ITPR1: variants seen among roughly 807,000 people sequenced by gnomAD.
ITPR1 encodes the protein inositol 1,4,5-trisphosphate-gated calcium channel ITPR1.
In ITPR1, 96 loss-of-function variants were observed where a neutral mutation model predicts 318.4. The observed-to-expected ratio is 0.30, with a 90% CI of 0.26 to 0.36. The LOEUF is 0.36. Among genes scored for constraint, ITPR1 ranks in the 10% least tolerant of loss-of-function variants. The probability of loss-of-function intolerance (pLI) is 1.00; values close to 1 mark genes in which losing one functional copy is unlikely to be tolerated. For synonymous variants in ITPR1, 1,312 were observed against 1,289.9 expected (o/e 1.02, Z -0.37); for missense variants, 2,440 against 3,460.2 (o/e 0.71, Z 7.40).
chr3:4,645,224 G>A (rs1156503536), intron 8 of ITPR1, among the ~76,000 whole-genome samples, 163 bp from the exon 9 acceptor site: 2 of 152,162 alleles, frequency 1.3e-5, no homozygotes, highest in Middle Eastern at 3.2e-3. Flanking sequence ...CTGCCAGCAG[G>A]CCAGTTGATT....
intron 10 of ITPR1, 88 bp downstream of exon 10, chr3:4,645,816 A>C: frequency 1.7e-6 from 2 of 1,167,120 alleles, no homozygotes. Flanking sequence ...ACAAATATTC[A>C]TACATACATA....
rs2050100277 is a variant in ITPR1, at chr3:4,826,700, G to A, written c.8028+8458G>A. Among the ~76,000 whole-genome samples the A allele has an allele frequency of 6.6e-6, 1 of 152,216 alleles. No individual in the cohort carries two copies. Among genetic ancestry groups the A allele is most frequent in the Non-Finnish European group, 1.5e-5 (1 of 68,042 alleles). On this transcript the variant is annotated intron_variant, in intron 60 of 61. Transcript: ENST00000649015. This position sits in a 1 kb window ranked among gnomAD's most constrained non-coding sequence, Gnocchi z 4.2. ...TCTAGGGAGGATGAAATCACCCCTT[G>A]TTCCGTGCAGCACTTCACTGGCACT... is the stretch of plus-strand genomic sequence containing the variant.
intron 4 of ITPR1, among the ~76,000 whole-genome samples, chr3:4,528,446 G>C (rs1007576379): frequency 1.3e-5 from 2 of 152,158 alleles, no homozygotes; most frequent in African/African-American, 4.8e-5. Flanking sequence ...AAACTCACCG[G>C]CTTAGCTTTC....
intron 60 of ITPR1, among the ~76,000 whole-genome samples, chr3:4,833,135 C>T (rs910764290): frequency 6.6e-6 from 1 of 152,208 alleles, no homozygotes; most frequent in African/African-American, 2.4e-5. Flanking sequence ...CAGTAAAAAG[C>T]TGTTGAATGG....
At chr3:4,769,771 G>C (rs981851371) in intron 46 of ITPR1, among the ~76,000 whole-genome samples, 1 of 152,224 alleles carries the variant, frequency 6.6e-6, no homozygotes, top group Non-Finnish European at 1.5e-5. Flanking sequence ...TTAACCAAAT[G>C]CTGAGAGACA....
Position 4,683,814 on chromosome 3 carries a change from G to T in ITPR1, c.3498+16G>T. 1 of 1,609,382 alleles carries T rather than the reference G, an allele frequency of 6.2e-7. No individual in the cohort carries two copies. Among genetic ancestry groups the T allele is most frequent in the Non-Finnish European group, 8.5e-7 (1 of 1,176,838 alleles). On this transcript the variant is annotated intron_variant, in intron 28 of 61. Transcript: ENST00000649015. ...GAAAACGGAGGTGAGTGAAACACAA[G>T]TTATGCTGCCAAAGTGGATGGATGG...
intron 44 of ITPR1, among the ~76,000 whole-genome samples, chr3:4,736,609 C>T (rs1386096622): frequency 6.6e-6 from 1 of 152,246 alleles, no homozygotes; most frequent in Non-Finnish European, 1.5e-5. Flanking sequence ...GGGCCAGTGG[C>T]AAGGCCCACT....
rs2045980704 is a variant in ITPR1, at chr3:4,768,753, C to G, written c.5968C>G (p.Arg1990Gly). The change falls in exon 46 of 62, where the codon CGA becomes GGA. Residue 1990 changes from arginine to glycine, a missense_variant. By Grantham distance (125) the Arg-to-Gly change is moderately radical. Coordinates refer to ENST00000649015, the MANE Select transcript of ITPR1 (RefSeq NM_001378452.1). ...FLQLLCENHN[R>G]DLQNFLRCQN... Reference sequence around the variant, plus strand: ...TCAGCTCCTGTGTGAAAACCACAACCGAGACCTGCAGGTGAGGGCCTGGGG... The same window carrying G: ...TCAGCTCCTGTGTGAAAACCACAACGGAGACCTGCAGGTGAGGGCCTGGGG... 6.2e-7 allele frequency: 1 copy of G among 1,611,428 alleles called. No homozygotes were observed. The highest frequency in any genetic ancestry group is 8.5e-7 in the Non-Finnish European group (1 of 1,178,050).
At position 4,680,506 on chromosome 3, in the gene ITPR1, G is replaced by A. The variant is rs995532547; in HGVS notation, c.2968-47G>A. On this transcript the variant is annotated intron_variant, in intron 24 of 61. Coordinates refer to ENST00000649015, the MANE Select transcript of ITPR1 (RefSeq NM_001378452.1). Reference sequence around the variant, plus strand: ...GTGGTGGCTTGGCAGAGTCAAGATGGTATGTTAATGTAACCAATCTGTTTC... The same window carrying A: ...GTGGTGGCTTGGCAGAGTCAAGATGATATGTTAATGTAACCAATCTGTTTC... The A allele has an allele frequency of 4.4e-6, 7 of 1,579,184 alleles. 1 individual carries two copies. The South Asian group carries it at 4.5e-5, about 10-fold the overall frequency.
At chr3:4,645,159 T>C (rs1470286352) in intron 8 of ITPR1, among the ~76,000 whole-genome samples, 4 of 152,326 alleles carry the variant, frequency 2.6e-5, no homozygotes, top group African/African-American at 7.2e-5. Flanking sequence ...GTTCCATTAG[T>C]CATGGTTGGA....
intron 2 of ITPR1, among the ~76,000 whole-genome samples, chr3:4,503,202 G>A (rs2081157621): frequency 6.6e-6 from 1 of 152,184 alleles, no homozygotes; most frequent in Non-Finnish European, 1.5e-5. Context: ...AATCTCTGCA[G>A]GACATTTGTC....
chr3:4,590,795 G>A (rs2090337257), intron 4 of ITPR1, among the ~76,000 whole-genome samples: 1 of 151,904 alleles, frequency 6.6e-6, no homozygotes, highest in Admixed American at 6.6e-5. Context: ...ACGTGTCACG[G>A]GGGTTTGTTG....
intron 4 of ITPR1, among the ~76,000 whole-genome samples, chr3:4,586,434 C>T (rs368616965): frequency 1.4e-4 from 21 of 151,782 alleles, no homozygotes; most frequent in East Asian, 9.7e-4. Context: ...ACTCTAGAAA[C>T]GGCCTAACTG....
chr3:4,723,686 TC>T (rs1413673890), intron 40 of ITPR1, among the ~76,000 whole-genome samples: 1 of 151,788 alleles, frequency 6.6e-6, no homozygotes, highest in Non-Finnish European at 1.5e-5. Context: ...ATCTTTATTT[TC>T]TTTTGCTTTT....
chr3:4,709,639 G>T (rs900195272), intron 37 of ITPR1, among the ~76,000 whole-genome samples: 1 of 152,180 alleles, frequency 6.6e-6, no homozygotes. Context: ...AATGGTGTTT[G>T]TTGTGTTGGT....
chr3:4,498,495 A>C (rs956008228), intron 2 of ITPR1, among the ~76,000 whole-genome samples: 3 of 152,186 alleles, frequency 2.0e-5, no homozygotes, highest in African/African-American at 7.2e-5. Context: ...TAGGGACCAG[A>C]TTTTGCAGGT....
At chr3:4,654,855 G>C (rs2093671408) in intron 12 of ITPR1, among the ~76,000 whole-genome samples, 1 of 152,174 alleles carries the variant, frequency 6.6e-6, no homozygotes, top group South Asian at 2.1e-4. Flanking sequence ...TGTTGGCTTT[G>C]AAAGACACTC....
chr3:4,533,357 C>G (rs1420518654), intron 4 of ITPR1, among the ~76,000 whole-genome samples: 4 of 152,152 alleles, frequency 2.6e-5, no homozygotes, highest in African/African-American at 9.7e-5. Flanking sequence ...GGGTTCAAGT[C>G]CCTGCCCTGC....
At chr3:4,815,015 A>T in intron 58 of ITPR1, 38 bp from the exon 59 acceptor site, 1 of 1,549,314 alleles carries the variant, frequency 6.5e-7, no homozygotes, top group Non-Finnish European at 8.8e-7. Flanking sequence ...AAAGGGTCGC[A>T]AGGGACCCAG....
Sources: gnomAD v4.1 joint callset for allele counts (sites outside exome capture counted in the v4.1 genomes callset) on GRCh38, gnomAD v4.1.1 for gene constraint, Gnocchi (gnomAD v3.1) non-coding constraint, MANE v1.5 for transcripts, NCBI Gene and HGNC (gene_info 2026-07-23, HGNC 2026-07-21) for gene names.